Variants in EPHA6 observed in about 807,000 individuals in gnomAD.
The protein encoded by EPHA6 is EPH receptor A6.
In EPHA6, 50 loss-of-function variants were observed where a neutral mutation model predicts 112.0. That is an observed-to-expected ratio of 0.45 (90% CI 0.36 to 0.56). EPHA6 has a LOEUF of 0.56. Ranked by LOEUF, EPHA6 falls within the 20% of genes least tolerant of loss-of-function variation. The pLI, the probability that EPHA6 is intolerant of heterozygous loss-of-function variation, is 0.00. For synonymous variants in EPHA6, 529 were observed against 490.7 expected, an observed-to-expected ratio of 1.08 and a Z score of -1.03; for missense variants, 1,280 against 1,417.4, an observed-to-expected ratio of 0.90 and a Z score of 1.56.
intron 5 of EPHA6, among the ~76,000 whole-genome samples, chr3:97,301,217 T>C (rs1475960517): frequency 6.6e-6 from 1 of 152,126 alleles, no homozygotes; most frequent in African/African-American, 2.4e-5. Context: ...ACATTTTAAC[T>C]TCAAATATTT....
intron 14 of EPHA6, among the ~76,000 whole-genome samples, chr3:97,666,970 T>G (rs1214819694): frequency 6.6e-6 from 1 of 152,234 alleles, no homozygotes; most frequent in African/African-American, 2.4e-5. Flanking sequence ...TCATATGCCC[T>G]ATTCTAAGTA....
chr3:97,048,882 T>C (rs1303794456), intron 3 of EPHA6, among the ~76,000 whole-genome samples: 1 of 151,704 alleles, frequency 6.6e-6, no homozygotes. Context: ...GAATAGGAAG[T>C]GTGAGATTTG....
At position 97,754,155 on chromosome 3, in the gene EPHA6, C is replaced by A. The variant is rs1049986728; in HGVS notation, c.*5454C>A. Reference sequence around the variant, plus strand: ...CCAGGCTGGAGTGCAATGGTGCAATCTTGGCTCACCACAACCTCCGCCTCC... The same window carrying A: ...CCAGGCTGGAGTGCAATGGTGCAATATTGGCTCACCACAACCTCCGCCTCC... On this transcript the variant is annotated 3_prime_UTR_variant, in exon 18 of 18. Transcript: ENST00000389672. Among the ~76,000 whole-genome samples, 4 of 133,610 alleles carry A rather than the reference C, an allele frequency of 3.0e-5. No individual in the cohort carries two copies. Among genetic ancestry groups the A allele is most frequent in the Non-Finnish European group, 4.6e-5 (3 of 65,456 alleles). 87.7% of individuals were successfully genotyped at this position (133,610 alleles called of 152,430 possible). A position where few individuals can be genotyped will look rare whatever the true frequency, so the allele number is the denominator to read the frequency against.
At chr3:97,184,704 GA>G (rs1298438190) in intron 3 of EPHA6, among the ~76,000 whole-genome samples, 1 of 151,994 alleles carries the variant, frequency 6.6e-6, no homozygotes, top group Non-Finnish European at 1.5e-5. Flanking sequence ...CACAGAACTG[GA>G]AAAAACTACT....
intron 2 of EPHA6, among the ~76,000 whole-genome samples, chr3:96,913,713 C>A (rs1014756313): frequency 6.6e-6 from 1 of 152,022 alleles, no homozygotes; most frequent in Non-Finnish European, 1.5e-5. Flanking sequence ...TGTACTAGTA[C>A]TCAATAAGTA....
At chr3:96,945,369 T>C (rs2107701430) in intron 2 of EPHA6, among the ~76,000 whole-genome samples, 1 of 152,288 alleles carries the variant, frequency 6.6e-6, no homozygotes, top group Admixed American at 6.5e-5. Context: ...CACTCTGTGT[T>C]GTCTGAACTG....
intron 9 of EPHA6, among the ~76,000 whole-genome samples, chr3:97,482,759 A>G (rs2091589704): frequency 6.6e-6 from 1 of 152,336 alleles, no homozygotes; most frequent in Non-Finnish European, 1.5e-5. Flanking sequence ...GTATTATAAG[A>G]CTTTCAAAAT....
intron 1 of EPHA6, among the ~76,000 whole-genome samples, chr3:96,858,516 G>A (rs566243395): frequency 5.3e-5 from 8 of 152,186 alleles, no homozygotes; most frequent in South Asian, 2.1e-4. Context: ...CTTGTGTGTC[G>A]TGATATTAGG....
At chr3:97,209,612 C>CTTTTTTTTTT (rs2077811547) in intron 3 of EPHA6, among the ~76,000 whole-genome samples, 1 of 152,092 alleles carries the variant, frequency 6.6e-6, no homozygotes, top group South Asian at 2.1e-4. Flanking sequence ...GTATGCTTTC[C>CTTTTTTTTTT]TTGCTTAGTA....
intron 3 of EPHA6, among the ~76,000 whole-genome samples, chr3:97,135,422 C>G (rs965834122): frequency 6.6e-6 from 1 of 152,048 alleles, no homozygotes; most frequent in East Asian, 1.9e-4. Context: ...ACCATTTTCA[C>G]TTCAAAAAAT....
At chr3:96,963,206 G>A (rs1439532918) in intron 2 of EPHA6, among the ~76,000 whole-genome samples, 1 of 149,302 alleles carries the variant, frequency 6.7e-6, no homozygotes, top group East Asian at 2.0e-4. Context: ...GCACTTTTCT[G>A]AATAATCCCA....
chr3:96,890,651 A>G (rs2037899339), intron 2 of EPHA6, among the ~76,000 whole-genome samples: 1 of 152,254 alleles, frequency 6.6e-6, no homozygotes, highest in Non-Finnish European at 1.5e-5. Flanking sequence ...ACATAAAAAA[A>G]TGACTAAACT....
chr3:97,302,506 TA>T (rs1276858628), intron 5 of EPHA6, among the ~76,000 whole-genome samples: 7 of 151,238 alleles, frequency 4.6e-5, no homozygotes, highest in Non-Finnish European at 8.9e-5. Context: ...TTATTATTAT[TA>T]TTTTTTTGTC....
intron 2 of EPHA6, among the ~76,000 whole-genome samples, chr3:96,969,006 ACT>A (rs1306759310): frequency 3.3e-5 from 5 of 151,908 alleles, no homozygotes; most frequent in Non-Finnish European, 7.4e-5. Flanking sequence ...TCTAAATTAC[ACT>A]CTGGGTAATT....
chr3:97,027,457 G>A (rs993325153), intron 3 of EPHA6, among the ~76,000 whole-genome samples: 1 of 151,898 alleles, frequency 6.6e-6, no homozygotes, highest in Non-Finnish European at 1.5e-5. Context: ...AAAAAGAGTA[G>A]CCACTAGAAG....
At chr3:97,024,605 A>G (rs2044571231) in intron 3 of EPHA6, among the ~76,000 whole-genome samples, 1 of 152,216 alleles carries the variant, frequency 6.6e-6, no homozygotes, top group Non-Finnish European at 1.5e-5. Flanking sequence ...GCACAGAAGA[A>G]AATGTCCCAA....
intron 14 of EPHA6, among the ~76,000 whole-genome samples, chr3:97,640,176 T>C (rs189972596): frequency 1.1e-4 from 16 of 152,148 alleles, no homozygotes; most frequent in African/African-American, 2.2e-4. Context: ...GAAGAAGGCG[T>C]CACAAAAAGT....
intron 2 of EPHA6, among the ~76,000 whole-genome samples, chr3:96,917,490 T>C (rs6791481): frequency 0.023 from 3,468 of 150,390 alleles, 139 homozygotes; most frequent in African/African-American, 0.081. Flanking sequence ...CAATTCCTAA[T>C]AGAAGTGCAC....
chr3:97,759,678 G>A lies in EPHA6; in HGVS notation c.*10977G>A, dbSNP rs761838309. ...TGTGCAAATAGGTTGGTATATTTGTGGTAGAAAGGGAAGGATGTCACTACG... is the reference window on the plus strand; with the variant it reads ...TGTGCAAATAGGTTGGTATATTTGTAGTAGAAAGGGAAGGATGTCACTACG... On this transcript the variant is annotated 3_prime_UTR_variant, in exon 18 of 18. Coordinates refer to ENST00000389672, the MANE Select transcript of EPHA6 (RefSeq NM_001080448.3). The A allele has an allele frequency of 8.3e-5, 19 of 229,252 alleles. No homozygotes were observed. Among genetic ancestry groups the A allele is most frequent in the Non-Finnish European group, 1.4e-4 (16 of 115,682 alleles). 14.2% of individuals were successfully genotyped at this position (229,252 alleles called of 1,614,324 possible). A position where few individuals can be genotyped will look rare whatever the true frequency, so the allele number is the denominator to read the frequency against.
Sources: gnomAD v4.1 joint callset for allele counts (sites outside exome capture counted in the v4.1 genomes callset) on GRCh38, gnomAD v4.1.1 for gene constraint, MANE v1.5 for transcripts, NCBI Gene and HGNC (gene_info 2026-07-23, HGNC 2026-07-21) for gene names.